The following ARHGEF3 variants were observed in gnomAD, a reference collection of about 807,000 sequenced individuals.
ARHGEF3 encodes the protein 59.8 kDA protein.
A neutral mutation model predicts 63.2 loss-of-function variants in ARHGEF3; 28 were observed. That is an observed-to-expected ratio of 0.44 (90% confidence interval 0.33 to 0.61). The LOEUF is 0.61. Among genes scored for constraint, ARHGEF3 ranks in the 20% least tolerant of loss-of-function variants. ARHGEF3 has a pLI of 0.03. For missense variants in ARHGEF3, 533 were observed against 659.3 expected, an observed-to-expected ratio of 0.81 and a Z score of 2.10; for synonymous variants, 266 against 254.2, an observed-to-expected ratio of 1.05 and a Z score of -0.44.
At chr3:56,809,206 T>C (rs1010630830) in intron 4 of ARHGEF3, among the ~76,000 whole-genome samples, 2 of 151,992 alleles carry the variant, frequency 1.3e-5, no homozygotes, top group African/African-American at 2.4e-5. Flanking sequence ...GACAAAAGAA[T>C]AAAGAGGAAT....
chr3:57,024,862 T>C (rs1409034077), intron 2 of ARHGEF3, among the ~76,000 whole-genome samples: 1 of 152,248 alleles, frequency 6.6e-6, no homozygotes, highest in East Asian at 1.9e-4. Context: ...TATCTCAATC[T>C]GATCTAAAAC....
intron 3 of ARHGEF3, among the ~76,000 whole-genome samples, chr3:56,922,708 G>A (rs1288812314): frequency 5.3e-5 from 8 of 152,162 alleles, no homozygotes; most frequent in African/African-American, 1.9e-4. Flanking sequence ...GGCTGGAATA[G>A]TTAACAATAA....
intron 1 of ARHGEF3, among the ~76,000 whole-genome samples, chr3:57,042,938 C>T (rs1412199948): frequency 6.6e-6 from 1 of 151,226 alleles, no homozygotes; most frequent in Non-Finnish European, 1.5e-5. Flanking sequence ...ACCTCGTGAT[C>T]TGCCCTCCTC....
chr3:56,861,577 T>C (rs2040073558), intron 4 of ARHGEF3, among the ~76,000 whole-genome samples: 2 of 152,166 alleles, frequency 1.3e-5, no homozygotes, highest in Non-Finnish European at 2.9e-5. Context: ...ATTTTCTCTC[T>C]TGATACATTT....
chr3:56,737,154 A>C (rs753534192), intron 8 of ARHGEF3, 31 bp downstream of exon 8: 2 of 1,588,480 alleles, frequency 1.3e-6, no homozygotes, highest in Non-Finnish European at 8.6e-7. Context: ...CGGGAGGCGG[A>C]TAAGACTGCT....
intron 3 of ARHGEF3, among the ~76,000 whole-genome samples, chr3:56,901,510 C>T (rs1030750167): frequency 1.3e-4 from 19 of 151,380 alleles, no homozygotes; most frequent in African/African-American, 4.6e-4. Context: ...TCATTGTGAA[C>T]ACTGAGTTAA....
intron 8 of ARHGEF3, among the ~76,000 whole-genome samples, chr3:56,735,448 C>T (rs1279840842): frequency 6.6e-6 from 1 of 151,934 alleles, no homozygotes; most frequent in Non-Finnish European, 1.5e-5. Context: ...GAAAAAAAAA[C>T]CCACAAGCCT....
chr3:56,901,979 GC>G (rs1271942398), intron 3 of ARHGEF3, among the ~76,000 whole-genome samples: 1 of 152,084 alleles, frequency 6.6e-6, no homozygotes, highest in African/African-American at 2.4e-5. Context: ...GCACATCATA[GC>G]CCTCTTGTGC....
At chr3:57,044,189 G>A (rs1704348483) in intron 1 of ARHGEF3, among the ~76,000 whole-genome samples, 1 of 152,214 alleles carries the variant, frequency 6.6e-6, no homozygotes, top group Admixed American at 6.5e-5. Flanking sequence ...AATACTTGTT[G>A]AACAAATGAA....
At chr3:56,881,509 G>A (rs1553772596) in intron 4 of ARHGEF3, among the ~76,000 whole-genome samples, 1 of 152,070 alleles carries the variant, frequency 6.6e-6, no homozygotes, top group Non-Finnish European at 1.5e-5. Flanking sequence ...AGACACGGTG[G>A]CCACACAAAG....
intron 2 of ARHGEF3, among the ~76,000 whole-genome samples, chr3:56,762,539 C>G (rs1448184173): frequency 6.6e-6 from 1 of 152,098 alleles, no homozygotes; most frequent in Non-Finnish European, 1.5e-5. Context: ...GAAATGTAAA[C>G]CCAGCAGGTA....
upstream of ARHGEF3, among the ~76,000 whole-genome samples, chr3:56,806,856 A>G (rs928896980): frequency 2.0e-5 from 3 of 151,854 alleles, no homozygotes; most frequent in African/African-American, 7.3e-5. Context: ...TTGTCCTATT[A>G]GCGTTATATT....
intron 1 of ARHGEF3, among the ~76,000 whole-genome samples, chr3:56,783,533 A>G (rs2036660456): frequency 6.6e-6 from 1 of 152,202 alleles, no homozygotes; most frequent in African/African-American, 2.4e-5. Flanking sequence ...ACATTGGAAA[A>G]GTAACCTCTC....
intron 1 of ARHGEF3, among the ~76,000 whole-genome samples, chr3:57,041,952 C>A (rs1704204181): frequency 1.3e-5 from 2 of 152,176 alleles, no homozygotes; most frequent in South Asian, 4.1e-4. Flanking sequence ...AACGAGGCCA[C>A]CACCCCCGAG....
intron 4 of ARHGEF3, among the ~76,000 whole-genome samples, chr3:56,869,639 G>A (rs2040369539): frequency 1.3e-5 from 2 of 152,168 alleles, no homozygotes; most frequent in South Asian, 4.1e-4. Context: ...CAGACAAACA[G>A]CTTCTGCAAT....
chr3:57,064,175 CAG>C (rs1213097939), intron 1 of ARHGEF3, among the ~76,000 whole-genome samples: 1 of 152,090 alleles, frequency 6.6e-6, no homozygotes, highest in African/African-American at 2.4e-5. Context: ...AAGCTGAGGT[CAG>C]AGGATTGCTT....
rs1326077105 is a variant in ARHGEF3, at chr3:56,734,035, T to TA, written c.1042-1612dup. Among the ~76,000 whole-genome samples, 5 of 150,344 alleles carry TA rather than the reference T, an allele frequency of 3.3e-5. No individual in the cohort carries two copies. The East Asian group carries it at 9.8e-4, about 29-fold the overall frequency. ...GATGATCAATATTTTCCTTCTAAGT[T>TA]AATCAGAACCTTGGTTCTCTGAAGA... On this transcript the variant is annotated intron_variant, in intron 8 of 9. Transcript: ENST00000296315.
chr3:56,839,146 A>G (rs1229631848), intron 4 of ARHGEF3, among the ~76,000 whole-genome samples: 1 of 151,976 alleles, frequency 6.6e-6, no homozygotes, highest in Non-Finnish European at 1.5e-5. Flanking sequence ...CTCAAAAAAA[A>G]AAAATTTTTT....
chr3:56,927,620 TA>T (rs2042307707), intron 3 of ARHGEF3, among the ~76,000 whole-genome samples: 1 of 152,166 alleles, frequency 6.6e-6, no homozygotes, highest in African/African-American at 2.4e-5. Flanking sequence ...ATCAGGCACC[TA>T]AAGTGTGTTT....
Sources: gnomAD v4.1 joint callset for allele counts (sites outside exome capture counted in the v4.1 genomes callset) on GRCh38, gnomAD v4.1.1 for gene constraint, MANE v1.5 for transcripts, NCBI Gene and HGNC (gene_info 2026-07-23, HGNC 2026-07-21) for gene names.